Variants in INPP5A observed in about 807,000 individuals in gnomAD.
The protein encoded by INPP5A is 43 kDa inositol polyphosphate 5-phophatase.
A neutral mutation model predicts 65.2 loss-of-function variants in INPP5A; 14 were observed. The ratio of observed to expected loss-of-function variants is 0.21; its 90% CI spans 0.14 to 0.34. The LOEUF (loss-of-function observed/expected upper bound fraction) is 0.34. INPP5A is among the 10% of genes least tolerant of loss of function. The pLI is 1.00. For synonymous variants in INPP5A, 207 were observed against 208.3 expected (o/e 0.99, Z 0.05); for missense variants, 431 against 545.6 (o/e 0.79, Z 2.09).
rs1264836152 is a variant in INPP5A at position 132,549,133 on chromosome 10, G to T, written c.75+10962G>T. The stretch of plus-strand genomic sequence containing the variant: ...CATGGCTGAGCAGTGTCCCCTGAGT[G>T]GAGGCATACCTCGTTTCTCCAGTCG... On this transcript the variant is annotated intron_variant, in intron 1 of 15. Coordinates refer to ENST00000368594, the MANE Select transcript of INPP5A (RefSeq NM_005539.5). This position sits in a 1 kb window ranked among gnomAD's most constrained non-coding sequence, Gnocchi z 4.9. Among the ~76,000 whole-genome samples the T allele has an allele frequency of 6.6e-6, 1 of 152,132 alleles. No homozygotes were observed. Among genetic ancestry groups the T allele is most frequent in the African/African-American group, 2.4e-5 (1 of 41,416 alleles).
At chr10:132,655,699 G>A (rs1433407644) in intron 4 of INPP5A, among the ~76,000 whole-genome samples, 1 of 152,246 alleles carries the variant, frequency 6.6e-6, no homozygotes, top group East Asian at 1.9e-4. Flanking sequence ...CTGTCACTGG[G>A]CTTTGCTGCT....
intron 4 of INPP5A, among the ~76,000 whole-genome samples, chr10:132,687,803 C>T (rs1380864426): frequency 6.6e-6 from 1 of 152,226 alleles, no homozygotes; most frequent in Non-Finnish European, 1.5e-5. Flanking sequence ...CGTGTCCCTG[C>T]TCCTGCCTGT....
intron 2 of INPP5A, among the ~76,000 whole-genome samples, chr10:132,625,691 C>G (rs2072173166): frequency 6.6e-6 from 1 of 152,166 alleles, no homozygotes; most frequent in South Asian, 2.1e-4. Context: ...CCCTGTGACT[C>G]TCAGTTCCTT....
intron 9 of INPP5A, among the ~76,000 whole-genome samples, chr10:132,736,227 C>T (rs1421435030): frequency 2.6e-5 from 4 of 152,222 alleles, no homozygotes; most frequent in African/African-American, 4.8e-5. Flanking sequence ...TTTCCTGCCT[C>T]GCGCGGTGGC....
At chr10:132,579,834 C>T (rs12412216) in intron 1 of INPP5A, among the ~76,000 whole-genome samples, 24,489 of 151,942 alleles carry the variant, frequency 0.16, 2,327 homozygotes, top group Admixed American at 0.26. Context: ...CTTCGTCATC[C>T]ACCTGCCTCT....
intron 1 of INPP5A, among the ~76,000 whole-genome samples, chr10:132,598,524 C>T (rs1366275094): frequency 1.3e-5 from 2 of 152,204 alleles, no homozygotes; most frequent in Non-Finnish European, 2.9e-5. Context: ...GGCTTATTTT[C>T]CTTAGCATAA....
rs1244332183 is a variant in INPP5A, at chr10:132,753,701, G to A, written c.903+3856G>A. ...CGCAGCACCGGCCTCTTGGAGGGAG[G>A]TGTTTTCTGTGTGTTTAGCAACCGC... On this transcript the variant is annotated intron_variant, in intron 11 of 15. Transcript: ENST00000368594. This position sits in a 1 kb window ranked among gnomAD's most constrained non-coding sequence, Gnocchi z 5.3. 1 of 152,176 alleles carries A rather than the reference G, an allele frequency of 6.6e-6. No homozygotes were observed. The highest frequency in any genetic ancestry group is 1.5e-5 in the Non-Finnish European group (1 of 68,030). The allele number at this position is 152,176 out of a possible 1,614,324, so 9.4% of individuals were successfully genotyped here.
intron 9 of INPP5A, among the ~76,000 whole-genome samples, chr10:132,735,007 G>A (rs1018373201): frequency 4.6e-5 from 7 of 152,182 alleles, no homozygotes; most frequent in African/African-American, 1.2e-4. Flanking sequence ...CTCCCAGAGG[G>A]CTTAGAAGTG....
At position 132,698,943 on chromosome 10, in the gene INPP5A, C is replaced by T. The variant is rs1345738647; in HGVS notation, c.474+1024C>T. Among the ~76,000 whole-genome samples the T allele has an allele frequency of 1.3e-5, 2 of 152,222 alleles. No individual in the cohort carries two copies. The highest frequency in any genetic ancestry group is 2.9e-5 in the Non-Finnish European group (2 of 68,030). ...GGCCGCCCGTGAAGGATGGGGTGCT[C>T]CTGTCACCCTGTGGCTCGGCCTCCT... On this transcript the variant is annotated intron_variant, in intron 6 of 15. Coordinates refer to ENST00000368594, the MANE Select transcript of INPP5A (RefSeq NM_005539.5). This position sits in a 1 kb window ranked among gnomAD's most constrained non-coding sequence, Gnocchi z 5.5.
At chr10:132,655,424 G>A (rs2072643021) in intron 4 of INPP5A, among the ~76,000 whole-genome samples, 2 of 152,184 alleles carry the variant, frequency 1.3e-5, no homozygotes, top group Admixed American at 6.5e-5. Flanking sequence ...AGGCTTTCCC[G>A]GGCTGCCAAG....
chr10:132,635,984 A>G (rs944649536), intron 2 of INPP5A, among the ~76,000 whole-genome samples: 2 of 122,328 alleles, frequency 1.6e-5, no homozygotes, highest in African/African-American at 7.6e-5. Context: ...TCTCAAAGAC[A>G]AAAAAAAAAA....
chr10:132,559,247 G>A (rs977314670), intron 1 of INPP5A, among the ~76,000 whole-genome samples: 7 of 152,328 alleles, frequency 4.6e-5, no homozygotes, highest in South Asian at 4.1e-4. Context: ...CCCTCTCCCC[G>A]GCCCTGCTGA....
intron 9 of INPP5A, among the ~76,000 whole-genome samples, chr10:132,734,240 C>T (rs1290021694): frequency 6.6e-6 from 1 of 152,194 alleles, no homozygotes; most frequent in Non-Finnish European, 1.5e-5. Flanking sequence ...GGCAGGACCA[C>T]ACCCGGCAGT....
chr10:132,540,048 G>A (rs997379394), intron 1 of INPP5A, among the ~76,000 whole-genome samples: 6 of 152,122 alleles, frequency 3.9e-5, no homozygotes, highest in Non-Finnish European at 5.9e-5. Context: ...TGTATATTTG[G>A]CGTTCTATTC....
At chr10:132,743,701 A>G (rs1846317910) in intron 9 of INPP5A, among the ~76,000 whole-genome samples, 3 of 151,992 alleles carry the variant, frequency 2.0e-5, no homozygotes, top group Non-Finnish European at 1.5e-5. Context: ...AGTTCACACC[A>G]CCCCAGCCAG....
In INPP5A at chr10:132,651,178, G is replaced by T. The variant is rs2072571845; in HGVS notation, c.306+673G>T. Among the ~76,000 whole-genome samples the T allele has an allele frequency of 6.6e-6, 1 of 152,168 alleles. No homozygotes were observed. The highest frequency in any genetic ancestry group is 1.5e-5 in the Non-Finnish European group (1 of 67,994). On this transcript the variant is annotated intron_variant, in intron 4 of 15. Coordinates refer to ENST00000368594, the MANE Select transcript of INPP5A (RefSeq NM_005539.5). The surrounding 1 kb of genome is among the most constrained non-coding windows in gnomAD (Gnocchi z 5.0). ...CTCTGCAGGTCGTGAATAACTTGCT[G>T]TTGGTTCAGAGACCCACGTCTTAAA...
chr10:132,687,905 C>T (rs989270235), intron 4 of INPP5A, among the ~76,000 whole-genome samples: 1 of 152,242 alleles, frequency 6.6e-6, no homozygotes, highest in Non-Finnish European at 1.5e-5. Flanking sequence ...GCCAGCCGGC[C>T]TCTCTTTTTA....
In INPP5A at chr10:132,725,455, A is replaced by C. The variant is rs1845969572; in HGVS notation, c.648-1366A>C. Among the ~76,000 whole-genome samples, 3 of 152,220 alleles carry C rather than the reference A, an allele frequency of 2.0e-5. No homozygotes were observed. In the South Asian group the frequency reaches 6.2e-4, roughly 31 times the overall value. ...CAGCGGTGGCGGCGGGGCAACGCAG[A>C]ACAAGACCACATAAGAACTGGGAAG... On this transcript the variant is annotated intron_variant, in intron 8 of 15. Coordinates refer to ENST00000368594, the MANE Select transcript of INPP5A (RefSeq NM_005539.5).
At chr10:132,610,295 G>A (rs2071926026) in intron 2 of INPP5A, among the ~76,000 whole-genome samples, 1 of 152,216 alleles carries the variant, frequency 6.6e-6, no homozygotes, top group Non-Finnish European at 1.5e-5. Context: ...TTGTTTCCCT[G>A]TGTGCGTGGC....
Sources: allele counts gnomAD v4.1 joint callset (sites outside exome capture counted in the v4.1 genomes callset), GRCh38; gene constraint gnomAD v4.1.1; non-coding constraint Gnocchi (gnomAD v3.1); transcripts MANE v1.5; gene names NCBI Gene and HGNC (gene_info 2026-07-23, HGNC 2026-07-21).